RBPJ: variants seen among roughly 807,000 people sequenced by gnomAD.
RBPJ encodes recombining binding protein suppressor of hairless.
RBPJ carries 9 observed loss-of-function variants against 67.8 expected under a neutral mutation model. That is an observed-to-expected ratio of 0.13 (90% confidence interval 0.08 to 0.23). RBPJ has a LOEUF of 0.23. Among genes scored for constraint, RBPJ ranks in the 10% least tolerant of loss-of-function variants. The probability of loss-of-function intolerance (pLI) is 1.00; values close to 1 mark genes in which losing one functional copy is unlikely to be tolerated. For synonymous variants in RBPJ, 198 were observed against 203.3 expected, an observed-to-expected ratio of 0.97 and a Z score of 0.22; for missense variants, 305 against 595.6, an observed-to-expected ratio of 0.51 and a Z score of 5.08.
At chr4:26,177,266 A>G (rs1242564575) in intron 1 of RBPJ, among the ~76,000 whole-genome samples, 1 of 152,194 alleles carries the variant, frequency 6.6e-6, no homozygotes, top group Admixed American at 6.5e-5. Flanking sequence ...AGTGAGGACC[A>G]AGGAAAATGG....
intron 1 of RBPJ, among the ~76,000 whole-genome samples, chr4:26,269,650 GGACTCTGT>G: frequency 6.6e-6 from 1 of 152,072 alleles, no homozygotes; most frequent in Non-Finnish European, 1.5e-5. Context: ...TCAAAGACAG[GGACTCTGT>G]CTCAATTCAT....
At chr4:26,137,820 T>G in the RBPJ span, among the ~76,000 whole-genome samples, 1 of 152,186 alleles carries the variant, frequency 6.6e-6, no homozygotes, top group Non-Finnish European at 1.5e-5. Flanking sequence ...ATTTGGGGGA[T>G]TCAGCCCTCC....
chr4:26,325,405 T>C (rs772070670), intron 1 of RBPJ, among the ~76,000 whole-genome samples: 19 of 152,192 alleles, frequency 1.2e-4, no homozygotes, highest in Non-Finnish European at 2.6e-4. Context: ...GCAGCGTTCA[T>C]TAAGAGAGGC....
At chr4:26,392,202 T>C (rs966841188) in intron 2 of RBPJ, among the ~76,000 whole-genome samples, 1 of 152,362 alleles carries the variant, frequency 6.6e-6, no homozygotes, top group South Asian at 2.1e-4. Context: ...CAGCTAGTAC[T>C]TTTCATACAC....
intron 1 of RBPJ, among the ~76,000 whole-genome samples, chr4:26,170,555 A>AAAAAG (rs1553845084): frequency 6.6e-6 from 1 of 150,778 alleles, no homozygotes. Context: ...AAAAAAAAAA[A>AAAAAG]AGGAATGGAA....
At chr4:26,113,492 G>T in the RBPJ span, 1 of 553,064 alleles carries the variant, frequency 1.8e-6, no homozygotes, top group South Asian at 1.6e-5. Context: ...AAAGCCCTAT[G>T]ACTGTAAGCA....
intron 1 of RBPJ, among the ~76,000 whole-genome samples, chr4:26,242,363 C>G (rs775131194): frequency 6.6e-6 from 1 of 150,820 alleles, no homozygotes; most frequent in Non-Finnish European, 1.5e-5. Context: ...CGGAGAATGG[C>G]GTGAACCCGA....
intron 1 of RBPJ, among the ~76,000 whole-genome samples, chr4:26,304,066 T>C (rs1029953128): frequency 6.6e-6 from 1 of 152,240 alleles, no homozygotes; most frequent in Non-Finnish European, 1.5e-5. Context: ...GCCATTAATC[T>C]GCTGTCTCTA....
intron 2 of RBPJ, among the ~76,000 whole-genome samples, chr4:26,401,140 C>A (rs1257858634): frequency 6.6e-6 from 1 of 152,236 alleles, no homozygotes; most frequent in Non-Finnish European, 1.5e-5. Context: ...TGCTTTCTGT[C>A]AGTTTGTGGG....
chr4:26,322,408 CATA>C (rs1723181700), intron 1 of RBPJ: 1 of 152,170 alleles, frequency 6.6e-6, no homozygotes, highest in Non-Finnish European at 1.5e-5. Flanking sequence ...ACTTCTGCCT[CATA>C]AGGAAAAGGA....
In RBPJ at chr4:26,195,003, G is replaced by A. The variant is rs115842091; in HGVS notation, c.-167+31389G>A. 9.7e-3 allele frequency among the ~76,000 whole-genome samples: 1,474 copies of A among 152,276 alleles called. 21 individuals are homozygous for A. The highest frequency in any genetic ancestry group is 0.033 in the African/African-American group (1,389 of 41,546). ...ATAGCTGTCTTTTCAGGTTTATACT[G>A]TAAGCCACCTCAAATCTCTTGGGAA... On this transcript the variant is annotated intron_variant, in intron 1 of 4. Coordinates refer to the RBPJ transcript ENST00000512351.
intron 1 of RBPJ, among the ~76,000 whole-genome samples, chr4:26,277,483 G>A (rs1372978312): frequency 2.6e-5 from 4 of 152,194 alleles, no homozygotes; most frequent in Admixed American, 6.5e-5. Context: ...AAGCCTGAGC[G>A]CCACAGGGCT....
the RBPJ span, among the ~76,000 whole-genome samples, chr4:26,127,200 A>G: frequency 1.3e-5 from 2 of 152,362 alleles, no homozygotes; most frequent in South Asian, 2.1e-4. Flanking sequence ...GAAGAAATCT[A>G]TCATTCCTGA....
At chr4:26,271,862 C>A (rs895309038) in intron 1 of RBPJ, among the ~76,000 whole-genome samples, 3 of 152,298 alleles carry the variant, frequency 2.0e-5, no homozygotes, top group South Asian at 4.1e-4. Flanking sequence ...CACACACACA[C>A]GTGCATGCAC....
chr4:26,116,290 CA>C, the RBPJ span, among the ~76,000 whole-genome samples: 1 of 152,242 alleles, frequency 6.6e-6, no homozygotes. Context: ...ACCTTTCTAT[CA>C]TTGCTGCCTG....
At chr4:26,109,450 CTCTCTCTCTCTATATA>C in the RBPJ span, among the ~76,000 whole-genome samples, 4 of 24,952 alleles carry the variant, frequency 1.6e-4, no homozygotes, top group East Asian at 5.1e-4. Context: ...CTCTCTCTCT[CTCTCTCTCTCTATATA>C]TATATATATA....
Position 26,255,734 on chromosome 4 carries a change from A to G in RBPJ, c.-167+92120A>G, listed in dbSNP as rs527474698. 8.6e-4 allele frequency among the ~76,000 whole-genome samples: 127 copies of G among 148,408 alleles called. No homozygotes were observed. The South Asian group carries it at 0.012, about 14-fold the overall frequency. On this transcript the variant is annotated intron_variant, in intron 1 of 4. Coordinates refer to the RBPJ transcript ENST00000512351. ...GGACAATGGCGTGAACCCGGGAGGC[A>G]GAGCTTGCAGTGAGCCGAGATCGTG...
At chr4:26,123,613 A>G in the RBPJ span, among the ~76,000 whole-genome samples, 1 of 152,200 alleles carries the variant, frequency 6.6e-6, no homozygotes, top group South Asian at 2.1e-4. Context: ...TCATAATAAC[A>G]CAGCTTAAAA....
chr4:26,294,954 C>T (rs148709124), intron 1 of RBPJ, among the ~76,000 whole-genome samples: 33 of 152,194 alleles, frequency 2.2e-4, no homozygotes, highest in African/African-American at 7.5e-4. Flanking sequence ...TTGGATAGGG[C>T]TGATGACGGA....
Sources: gnomAD v4.1 joint callset for allele counts (sites outside exome capture counted in the v4.1 genomes callset) on GRCh38, gnomAD v4.1.1 for gene constraint, MANE v1.5 for transcripts, NCBI Gene and HGNC (gene_info 2026-07-23, HGNC 2026-07-21) for gene names.